The following EYS variants were observed in gnomAD, a reference collection of about 807,000 sequenced individuals.
EYS encodes EGF-like photoreceptor maintenance factor.
Under a neutral mutation model 282.1 loss-of-function variants are expected in EYS, and 250 were observed. The ratio of observed to expected loss-of-function variants is 0.89; its 90% CI spans 0.80 to 0.98. EYS has a LOEUF of 0.98. EYS is among the 50% of genes least tolerant of loss of function. The pLI is 0.00. For missense variants in EYS, 4,016 were observed against 3,709.0 expected (o/e 1.08, Z -2.15); for synonymous variants, 1,355 against 1,282.9 (o/e 1.06, Z -1.20).
rs540587677 is a variant in EYS at position 65,181,593 on chromosome 6, C to T, written c.2023+114270G>A. On this transcript the variant is annotated intron_variant, in intron 12 of 42. Transcript: ENST00000503581. ...GAGAGGATATGGAGAAATAGGAACA[C>T]TTTCACACTGTTGGTGGGACTGTAA... is the stretch of plus-strand genomic sequence containing the variant. Among the ~76,000 whole-genome samples, 326 of 152,234 alleles carry T rather than the reference C, an allele frequency of 2.1e-3. 2 individuals are homozygous for T. The highest frequency in any genetic ancestry group is 7.1e-3 in the African/African-American group (295 of 41,556).
intron 12 of EYS, among the ~76,000 whole-genome samples, chr6:65,241,679 C>T (rs1180592699): frequency 6.6e-6 from 1 of 152,028 alleles, no homozygotes; most frequent in East Asian, 1.9e-4. Context: ...AAATAACTCT[C>T]CCCTTCCTAT....
intron 29 of EYS, among the ~76,000 whole-genome samples, chr6:64,354,296 A>G (rs1299187282): frequency 1.3e-5 from 2 of 151,638 alleles, no homozygotes; most frequent in Non-Finnish European, 3.0e-5. Context: ...AATAAGTTCC[A>G]AAGTGATTAT....
At position 63,720,504 on chromosome 6, in the gene EYS, A is replaced by G; in HGVS notation, c.*92T>C. On this transcript the variant is annotated 3_prime_UTR_variant, in exon 43 of 43. Coordinates refer to ENST00000503581, the MANE Select transcript of EYS (RefSeq NM_001142800.2). ...TAGACTATTTCAGGTAATATAGTAA[A>G]CAGTTGATTCCCCGTAAGCAATGTA... The G allele has an allele frequency of 1.1e-6, 1 of 898,464 alleles. No individual in the cohort carries two copies. The highest frequency in any genetic ancestry group is 1.6e-6 in the Non-Finnish European group (1 of 612,758). 55.7% of individuals were successfully genotyped at this position (898,464 alleles called of 1,614,324 possible). A position where few individuals can be genotyped will look rare whatever the true frequency, so the allele number is the denominator to read the frequency against.
At chr6:64,971,619 T>C (rs1474395043) in intron 14 of EYS, among the ~76,000 whole-genome samples, 1 of 152,158 alleles carries the variant, frequency 6.6e-6, no homozygotes, top group African/African-American at 2.4e-5. Flanking sequence ...ATTCTTTTGA[T>C]AGTGGACATG....
chr6:64,565,949 AC>A (rs1481509109), intron 26 of EYS, among the ~76,000 whole-genome samples: 2 of 149,954 alleles, frequency 1.3e-5, no homozygotes, highest in Non-Finnish European at 1.5e-5. Flanking sequence ...AAGAAATCAT[AC>A]AAATTAAAAA....
chr6:64,648,350 T>C (rs1768430150), intron 22 of EYS, among the ~76,000 whole-genome samples: 1 of 152,174 alleles, frequency 6.6e-6, no homozygotes. Context: ...CTATAAGCTG[T>C]TTTCCTACCT....
rs1770907276 is a variant in EYS, at chr6:63,806,296, G to A, written c.7305C>T (p.Ile2435=). 1.9e-6 allele frequency: 3 copies of A among 1,551,686 alleles called. No individual in the cohort carries two copies. Among genetic ancestry groups the A allele is most frequent in the African/African-American group, 2.7e-5 (2 of 73,170 alleles). Residue 2435 remains isoleucine, a synonymous_variant, in exon 37 of 43, where the codon ATC becomes ATT. Coordinates refer to ENST00000503581, the MANE Select transcript of EYS (RefSeq NM_001142800.2). ...ATTCATAATGGAAGCTGATGTCTGA[G>A]ATCCGTGAATAAGCCAGGAATGAGG... ...GYTSFLAYSR[I]SDISFHYEFH... is the part of the protein sequence containing the mutation.
chr6:65,569,244 C>A (rs569747973), intron 2 of EYS, among the ~76,000 whole-genome samples: 1 of 152,190 alleles, frequency 6.6e-6, no homozygotes, highest in African/African-American at 2.4e-5. Flanking sequence ...AGAACTACCC[C>A]CTTTGACTGT....
chr6:65,437,860 CTTTTT>C (rs909486331), intron 5 of EYS, among the ~76,000 whole-genome samples: 1 of 102,042 alleles, frequency 9.8e-6, no homozygotes, highest in South Asian at 3.0e-4. Context: ...TTCAGTTTTT[CTTTTT>C]TTCAATTATA....
intron 22 of EYS, among the ~76,000 whole-genome samples, chr6:64,735,394 C>CT (rs372272577): frequency 2.0e-4 from 30 of 152,176 alleles, no homozygotes; most frequent in African/African-American, 6.0e-4. Flanking sequence ...GTTTTCTGAC[C>CT]TTTTTTTCTG....
chr6:64,165,607 AT>A (rs1358365459), intron 31 of EYS, among the ~76,000 whole-genome samples: 2 of 152,178 alleles, frequency 1.3e-5, no homozygotes, highest in Non-Finnish European at 2.9e-5. Flanking sequence ...CATACTTTTC[AT>A]GATTAGTTTT....
chr6:65,318,672 C>T (rs1582136760), intron 11 of EYS, among the ~76,000 whole-genome samples: 1 of 149,676 alleles, frequency 6.7e-6, no homozygotes, highest in East Asian at 2.0e-4. Context: ...GACAGAGTCT[C>T]ATTCCATCAC....
At chr6:63,739,118 T>C (rs1237299483) in intron 41 of EYS, among the ~76,000 whole-genome samples, 1 of 152,212 alleles carries the variant, frequency 6.6e-6, no homozygotes, top group Non-Finnish European at 1.5e-5. Flanking sequence ...TTTTATTTAA[T>C]GGATTGTAAT....
At chr6:65,568,291 CTTTT>C (rs1291519245) in intron 2 of EYS, among the ~76,000 whole-genome samples, 1 of 120,790 alleles carries the variant, frequency 8.3e-6, no homozygotes, top group Non-Finnish European at 1.7e-5. Flanking sequence ...CTCCCACTTT[CTTTT>C]TTTCTTTTTT....
chr6:65,262,770 A>G (rs2150259251), intron 12 of EYS, among the ~76,000 whole-genome samples: 1 of 152,222 alleles, frequency 6.6e-6, no homozygotes, highest in Non-Finnish European at 1.5e-5. Flanking sequence ...GTTCATTTAA[A>G]GCTCATGTAG....
intron 29 of EYS, among the ~76,000 whole-genome samples, chr6:64,338,828 C>T (rs1416762680): frequency 6.6e-6 from 1 of 151,904 alleles, no homozygotes; most frequent in African/African-American, 2.4e-5. Flanking sequence ...GAAATAAACT[C>T]AAATACTTAC....
intron 12 of EYS, among the ~76,000 whole-genome samples, chr6:65,223,390 A>C (rs1336500939): frequency 6.6e-6 from 1 of 151,140 alleles, no homozygotes; most frequent in African/African-American, 2.4e-5. Flanking sequence ...AAGAACAAGA[A>C]CAACAACAAC....
At chr6:64,494,347 T>C (rs1336584362) in intron 26 of EYS, among the ~76,000 whole-genome samples, 1 of 151,680 alleles carries the variant, frequency 6.6e-6, no homozygotes, top group Admixed American at 6.6e-5. Context: ...ATACCTTAGA[T>C]ATATTCTCAG....
intron 12 of EYS, among the ~76,000 whole-genome samples, chr6:65,113,866 C>G (rs1775291270): frequency 6.6e-6 from 1 of 151,954 alleles, no homozygotes; most frequent in African/African-American, 2.4e-5. Context: ...AGGAGAAAAA[C>G]TAAAATCAGT....
Sources: gnomAD v4.1 joint callset for allele counts (sites outside exome capture counted in the v4.1 genomes callset) on GRCh38, gnomAD v4.1.1 for gene constraint, MANE v1.5 for transcripts, NCBI Gene and HGNC (gene_info 2026-07-23, HGNC 2026-07-21) for gene names.